Variants in OSBPL8 observed in about 807,000 individuals in gnomAD.
The protein encoded by OSBPL8 is oxysterol-binding protein-related protein 8.
In OSBPL8, 59 loss-of-function variants were observed where a neutral mutation model predicts 125.5. That is an observed-to-expected ratio of 0.47 (90% CI 0.38 to 0.58). The LOEUF (loss-of-function observed/expected upper bound fraction) is 0.58. Among genes scored for constraint, OSBPL8 ranks in the 20% least tolerant of loss-of-function variants. The pLI is 0.00. For missense variants in OSBPL8, 758 were observed against 1,047.8 expected, an observed-to-expected ratio of 0.72 and a Z score of 3.82; for synonymous variants, 330 against 338.9, an observed-to-expected ratio of 0.97 and a Z score of 0.29.
chr12:76,392,618 G>T lies in OSBPL8; in HGVS notation c.892C>A (p.Leu298Ile), dbSNP rs147751916. 3.2e-5 allele frequency: 52 copies of T among 1,613,718 alleles called. No individual in the cohort carries two copies. Among genetic ancestry groups the T allele is most frequent in the Middle Eastern group, 1.6e-4 (1 of 6,080 alleles). ...CCACTGTGGAGATTGTTAGCACGTA[G>T]TAAGCCATAGAAAGTCACATGTGTG... The part of the protein sequence containing the change: ...DSTHVTFYGL[L>I]RANNLHSGDN... The change falls in exon 10 of 24, where the codon CTA (leucine) becomes ATA (isoleucine). Residue 298 changes from leucine to isoleucine, a missense_variant. Transcript: ENST00000261183.
chr12:76,536,093 G>T (rs1950490223), intron 1 of OSBPL8, among the ~76,000 whole-genome samples: 1 of 151,770 alleles, frequency 6.6e-6, no homozygotes, highest in African/African-American at 2.4e-5. Flanking sequence ...TGATATTGGG[G>T]GGGTGTGAGG....
chr12:76,384,276 G>T lies in OSBPL8; in HGVS notation c.1608C>A (p.Ile536=). 1 of 1,552,078 alleles carries T rather than the reference G, an allele frequency of 6.4e-7. No homozygotes were observed. ...CACCATAAAACTTAGACTTAGCCAG[G>T]ATACTACCGCTAAGGCAAAATCCAT... ...RKDGFCLSGS[I]LAKSKFYGNS... is the part of the protein sequence containing the mutation. Residue 536 remains isoleucine, a synonymous_variant, in exon 15 of 24, where the codon ATC becomes ATA. Coordinates refer to ENST00000261183, the MANE Select transcript of OSBPL8 (RefSeq NM_020841.5).
chr12:76,391,278 T>C (rs140479527), intron 10 of OSBPL8, among the ~76,000 whole-genome samples: 3 of 152,314 alleles, frequency 2.0e-5, no homozygotes, highest in African/African-American at 7.2e-5. Context: ...AATTAACCTA[T>C]GGACTAAAAT....
At chr12:76,520,503 A>G (rs1881969837) in intron 1 of OSBPL8, among the ~76,000 whole-genome samples, 1 of 152,202 alleles carries the variant, frequency 6.6e-6, no homozygotes, top group African/African-American at 2.4e-5. Flanking sequence ...TTATGACCTC[A>G]TGGACCTTAC....
In OSBPL8 at chr12:76,390,571, T is replaced by C; in HGVS notation, c.1016A>G (p.His339Arg). 3 of 1,613,890 alleles carry C rather than the reference T, an allele frequency of 1.9e-6. No individual in the cohort carries two copies. The highest frequency in any genetic ancestry group is 2.5e-6 in the Non-Finnish European group (3 of 1,179,870). ...DKSDKENDQE[H>R]DESDNEVMGK... ...CATCACCTCATTATCAGACTCATCA[T>C]GTTCTTGATCATTTTCTTTATCAGA... The change falls in exon 11 of 24, where the codon CAT becomes CGT. Residue 339 changes from histidine (H) to arginine (R), a missense_variant. His to Arg is a conservative substitution (Grantham distance 29, BLOSUM62 0). Coordinates refer to ENST00000261183, the MANE Select transcript of OSBPL8 (RefSeq NM_020841.5).
chr12:76,487,406 T>C, intron 2 of OSBPL8, 104 bp downstream of exon 2: 1 of 861,128 alleles, frequency 1.2e-6, no homozygotes, highest in Admixed American at 3.4e-5. Context: ...AAAAATACTT[T>C]TTAAAAGTTT....
At chr12:76,415,721 A>G (rs966515289) in intron 4 of OSBPL8, among the ~76,000 whole-genome samples, 13 of 152,150 alleles carry the variant, frequency 8.5e-5, no homozygotes, top group African/African-American at 3.1e-4. Flanking sequence ...CATGGCTCCA[A>G]CTATAGTTAT....
chr12:76,370,931 C>A (rs1029385837), intron 19 of OSBPL8, among the ~76,000 whole-genome samples: 3 of 152,080 alleles, frequency 2.0e-5, no homozygotes, highest in Non-Finnish European at 4.4e-5. Context: ...ATTTCTGATT[C>A]AAAAATATAA....
intron 21 of OSBPL8, among the ~76,000 whole-genome samples, chr12:76,368,648 CT>C (rs1952507709): frequency 6.6e-6 from 1 of 152,054 alleles, no homozygotes; most frequent in Non-Finnish European, 1.5e-5. Context: ...TTTCCTGATC[CT>C]GTCTTATGCT....
intron 7 of OSBPL8, among the ~76,000 whole-genome samples, chr12:76,398,340 G>C (rs895053818): frequency 1.1e-4 from 16 of 152,170 alleles, no homozygotes; most frequent in African/African-American, 3.9e-4. Context: ...CATTCCCTAA[G>C]TATTTGGTGA....
chr12:76,389,433 T>C (rs1244822093), intron 12 of OSBPL8, among the ~76,000 whole-genome samples: 4 of 152,206 alleles, frequency 2.6e-5, no homozygotes, highest in Admixed American at 6.5e-5. Flanking sequence ...CTCGAGCTTA[T>C]GATATCTCAA....
At chr12:76,390,068 C>T (rs1953494247) in intron 11 of OSBPL8, 1 of 402,292 alleles carries the variant, frequency 2.5e-6, no homozygotes. Flanking sequence ...ATATTATAGC[C>T]TATTATTTTA....
At chr12:76,530,283 C>T (rs1451489751) in intron 1 of OSBPL8, among the ~76,000 whole-genome samples, 3 of 140,654 alleles carry the variant, frequency 2.1e-5, no homozygotes, top group African/African-American at 8.0e-5. Flanking sequence ...GTTTTGAACT[C>T]CTGGCCTCAA....
chr12:76,368,095 G>T (rs187935463), intron 21 of OSBPL8, among the ~76,000 whole-genome samples: 335 of 152,076 alleles, frequency 2.2e-3, no homozygotes, highest in African/African-American at 7.7e-3. Context: ...TTTTTGTAGG[G>T]CAGGTCTAGT....
At chr12:76,422,487 G>T (rs1869608757) in intron 4 of OSBPL8, 1 of 453,430 alleles carries the variant, frequency 2.2e-6, no homozygotes, top group Admixed American at 2.4e-5. Flanking sequence ...AAGAAATTAG[G>T]AATGCAAGAT....
chr12:76,376,339 T>C (rs1231117087), intron 16 of OSBPL8, among the ~76,000 whole-genome samples: 2 of 152,204 alleles, frequency 1.3e-5, no homozygotes, highest in African/African-American at 2.4e-5. Flanking sequence ...TACAATATTA[T>C]CTTTTGAGAG....
At chr12:76,523,930 TCTC>T (rs1364992450) in intron 1 of OSBPL8, among the ~76,000 whole-genome samples, 18 of 152,162 alleles carry the variant, frequency 1.2e-4, no homozygotes, top group African/African-American at 4.1e-4. Context: ...TGACAAATCT[TCTC>T]AATGGCAAAG....
chr12:76,440,083 G>A (rs1871993384), intron 4 of OSBPL8, among the ~76,000 whole-genome samples: 1 of 151,818 alleles, frequency 6.6e-6, no homozygotes, highest in Admixed American at 6.6e-5. Context: ...TTATTTTTTA[G>A]ATTTCCTGCT....
At chr12:76,378,669 A>G (rs1952920844) in intron 15 of OSBPL8, 119 bp from the exon 16 acceptor site, 2 of 674,566 alleles carry the variant, frequency 3.0e-6, no homozygotes, top group Admixed American at 2.9e-5. Flanking sequence ...AAATGTCTCA[A>G]TCTCAATGTG....
Sources: gnomAD v4.1 joint callset for allele counts (sites outside exome capture counted in the v4.1 genomes callset) on GRCh38, gnomAD v4.1.1 for gene constraint, MANE v1.5 for transcripts, NCBI Gene and HGNC (gene_info 2026-07-23, HGNC 2026-07-21) for gene names.